Variants in SVEP1 observed in about 807,000 individuals in gnomAD.
SVEP1 encodes the protein sushi, von Willebrand factor type A, EGF and pentraxin domain containing 1.
SVEP1 carries 164 observed loss-of-function variants against 367.3 expected under a neutral mutation model. The ratio of observed to expected loss-of-function variants is 0.45; its 90% CI spans 0.39 to 0.51. The LOEUF is 0.51. SVEP1 is among the 20% of genes least tolerant of loss of function. The probability of loss-of-function intolerance (pLI) is 0.00; values close to 1 mark genes in which losing one functional copy is unlikely to be tolerated. For missense variants in SVEP1, 4,117 were observed against 4,425.3 expected, an observed-to-expected ratio of 0.93 and a Z score of 1.98; for synonymous variants, 1,666 against 1,611.6, an observed-to-expected ratio of 1.03 and a Z score of -0.81.
chr9:110,510,644 T>C (rs1231456130), intron 5 of SVEP1, among the ~76,000 whole-genome samples: 1 of 152,174 alleles, frequency 6.6e-6, no homozygotes, highest in African/African-American at 2.4e-5. Flanking sequence ...GGCTTGATTA[T>C]GGAGGGTGCA....
intron 43 of SVEP1, 58 bp downstream of exon 43, chr9:110,385,840 A>ATCCCT: frequency 6.4e-7 from 1 of 1,553,938 alleles, no homozygotes; most frequent in African/African-American, 1.4e-5. Flanking sequence ...ACAACCTCAC[A>ATCCCT]GGGATGGGAA....
chr9:110,430,614 C>T (rs1828336314), intron 32 of SVEP1, among the ~76,000 whole-genome samples, 164 bp from the exon 33 acceptor site: 1 of 152,144 alleles, frequency 6.6e-6, no homozygotes, highest in South Asian at 2.1e-4. Flanking sequence ...GGACATTAGA[C>T]CAGAACATAC....
intron 29 of SVEP1, 85 bp from the exon 30 acceptor site, chr9:110,434,591 A>T (rs557010699): frequency 4.9e-5 from 63 of 1,287,242 alleles, no homozygotes; most frequent in Non-Finnish European, 6.0e-5. Context: ...TGTATTCTGT[A>T]TCAGCATTTG....
At chr9:110,433,354 G>A (rs1282757938) in intron 30 of SVEP1, among the ~76,000 whole-genome samples, 1 of 120,228 alleles carries the variant, frequency 8.3e-6, no homozygotes, top group African/African-American at 3.2e-5. Flanking sequence ...ATCTAGTGGG[G>A]TAGATAGGCC....
intron 3 of SVEP1, among the ~76,000 whole-genome samples, chr9:110,530,258 T>C (rs1221628677): frequency 1.3e-5 from 2 of 152,158 alleles, no homozygotes; most frequent in Non-Finnish European, 2.9e-5. Flanking sequence ...TTTGATTTGC[T>C]GGTATTTTGG....
intron 3 of SVEP1, among the ~76,000 whole-genome samples, chr9:110,532,640 G>A (rs746435625): frequency 7.9e-5 from 12 of 152,154 alleles, no homozygotes; most frequent in South Asian, 4.1e-4. Context: ...AAGAATTACA[G>A]TAGTGTTTTT....
intron 26 of SVEP1, among the ~76,000 whole-genome samples, chr9:110,444,618 T>C (rs1564144579): frequency 6.6e-6 from 1 of 152,070 alleles, no homozygotes; most frequent in Non-Finnish European, 1.5e-5. Flanking sequence ...ACAAAGCTAA[T>C]AAGCAGTTTA....
At position 110,411,536 on chromosome 9, in the gene SVEP1, G is replaced by A; in HGVS notation, c.6175C>T (p.Leu2059Phe). 6.2e-7 allele frequency: 1 copy of A among 1,614,020 alleles called. No homozygotes were observed. Among genetic ancestry groups the A allele is most frequent in the Non-Finnish European group, 8.5e-7 (1 of 1,179,898 alleles). ...DGYSLADNSQ[L>F]LCNAQGKWVP... is the part of the protein sequence containing the mutation. ...CACTTGCCCTGGGCATTGCAGAGAA[G>A]CTGGGAATTGTCTGCTAGGCTGTAA... The change falls in exon 37 of 48, where the codon CTT (leucine) becomes TTT (phenylalanine). Residue 2059 changes from leucine to phenylalanine, a missense_variant. Physicochemically the swap from Leu to Phe is conservative, Grantham distance 22. Transcript: ENST00000374469.
At chr9:110,427,395 A>C (rs1044601168) in intron 36 of SVEP1, among the ~76,000 whole-genome samples, 196 bp downstream of exon 36, 1 of 151,572 alleles carries the variant, frequency 6.6e-6, no homozygotes, top group Non-Finnish European at 1.5e-5. Context: ...TTGATATACT[A>C]CTCAAATTCC....
At chr9:110,539,576 T>C (rs1830118986) in intron 3 of SVEP1, among the ~76,000 whole-genome samples, 2 of 151,674 alleles carry the variant, frequency 1.3e-5, no homozygotes, top group African/African-American at 4.8e-5. Flanking sequence ...ATATTGATAA[T>C]ATTATAAGGG....
rs1174157075 is a variant in SVEP1 at position 110,579,085 on chromosome 9, G to A, written c.459C>T (p.Leu153=). ...RRARQHKCAL[L]LQEIPAISYR... ...AGGAGATGGCAGGGATCTCTTGGAG[G>A]AGCAGCGCGCACTTGTGCTGGCGCG... Residue 153 remains leucine, a synonymous_variant, in exon 1 of 48, where the codon CTC becomes CTT. Coordinates refer to ENST00000374469, the MANE Select transcript of SVEP1 (RefSeq NM_153366.4). The surrounding 1 kb of genome is among the most constrained non-coding windows in gnomAD (Gnocchi z 5.3). 2 of 1,551,834 alleles carry A rather than the reference G, an allele frequency of 1.3e-6. No individual in the cohort carries two copies. The highest frequency in any genetic ancestry group is 2.0e-5 in the Admixed American group (1 of 51,104).
intron 40 of SVEP1, 44 bp downstream of exon 40, chr9:110,400,810 T>C (rs1039303030): frequency 6.4e-7 from 1 of 1,565,616 alleles, no homozygotes; most frequent in Admixed American, 2.0e-5. Flanking sequence ...CCCAAGTATA[T>C]TGGAAAAACA....
In SVEP1 at chr9:110,564,961, C is replaced by T. The variant is rs555436075; in HGVS notation, c.531+14052G>A. Among the ~76,000 whole-genome samples the T allele has an allele frequency of 3.0e-4, 45 of 152,116 alleles. No individual in the cohort carries two copies. In the South Asian group the frequency reaches 8.3e-3, roughly 28 times the overall value. ...TACATGCTTCCTCTTACAATAGGGG[C>T]AGTGTTCTTTAAATATGCACTGGAC... On this transcript the variant is annotated intron_variant, in intron 1 of 47. Transcript: ENST00000374469.
intron 41 of SVEP1, among the ~76,000 whole-genome samples, chr9:110,388,941 C>T (rs1372247825): frequency 6.6e-6 from 1 of 151,566 alleles, no homozygotes; most frequent in East Asian, 1.9e-4. Context: ...TGCACTCCAC[C>T]CTGGGTGACA....
At chr9:110,512,820 C>A (rs781658521) in intron 5 of SVEP1, 106 bp downstream of exon 5, 65 of 1,323,842 alleles carry the variant, frequency 4.9e-5, no homozygotes, top group Non-Finnish European at 6.9e-5. Context: ...AGTATGGGGT[C>A]TATGAAATCC....
At chr9:110,503,326 T>A in intron 5 of SVEP1, 109 bp from the exon 6 acceptor site, 1 of 1,134,616 alleles carries the variant, frequency 8.8e-7, no homozygotes, top group Non-Finnish European at 1.3e-6. Flanking sequence ...TTTCTTTTCT[T>A]AAAATAGCAA....
chr9:110,465,004 T>C (rs1828912927), intron 18 of SVEP1, among the ~76,000 whole-genome samples: 1 of 152,156 alleles, frequency 6.6e-6, no homozygotes, highest in Non-Finnish European at 1.5e-5. Context: ...CATCCCTCAG[T>C]AGGGATGTTA....
chr9:110,528,958 G>A (rs1426733420), intron 3 of SVEP1, among the ~76,000 whole-genome samples: 2 of 151,950 alleles, frequency 1.3e-5, no homozygotes, highest in Admixed American at 1.3e-4. Context: ...CTAGGTCAAT[G>A]TCCAGGACAG....
chr9:110,393,488 C>G (rs538193978), intron 40 of SVEP1, among the ~76,000 whole-genome samples: 1 of 152,156 alleles, frequency 6.6e-6, no homozygotes, highest in Non-Finnish European at 1.5e-5. Context: ...ACTGAGGTAC[C>G]GGGTTCATCT....
Sources: allele counts gnomAD v4.1 joint callset (sites outside exome capture counted in the v4.1 genomes callset), GRCh38; gene constraint gnomAD v4.1.1; non-coding constraint Gnocchi (gnomAD v3.1); transcripts MANE v1.5; gene names NCBI Gene and HGNC (gene_info 2026-07-23, HGNC 2026-07-21).